LRRC37B: variants seen among roughly 807,000 people sequenced by gnomAD.
LRRC37B encodes leucine-rich repeat-containing protein 37B.
A neutral mutation model predicts 98.3 loss-of-function variants in LRRC37B; 28 were observed. The ratio of observed to expected loss-of-function variants is 0.28; its 90% confidence interval spans 0.21 to 0.39. The LOEUF (loss-of-function observed/expected upper bound fraction) is 0.39, where lower values mean the gene tolerates loss of function less well. LRRC37B is among the 10% of genes least tolerant of loss of function. The probability of loss-of-function intolerance (pLI) is 1.00; values close to 1 mark genes in which losing one functional copy is unlikely to be tolerated. For synonymous variants in LRRC37B, 364 were observed against 442.7 expected, an observed-to-expected ratio of 0.82 and a Z score of 2.23; for missense variants, 938 against 1,182.7, an observed-to-expected ratio of 0.79 and a Z score of 3.03.
upstream of LRRC37B, among the ~76,000 whole-genome samples, chr17:32,007,580 C>G (rs1170737005): frequency 6.7e-6 from 1 of 148,950 alleles, no homozygotes; most frequent in East Asian, 2.1e-4. The surrounding 1 kb of genome is among the most constrained non-coding windows in gnomAD (Gnocchi z 4.1). Context: ...CGTCAGCTTT[C>G]CCTTCTCCCG....
rs549638945 is a variant in LRRC37B at position 32,048,863 on chromosome 17, A to G, written c.2465-239A>G. 2.0e-5 allele frequency: 30 copies of G among 1,525,300 alleles called. No homozygotes were observed. The Admixed American group carries it at 4.4e-4, about 22-fold the overall frequency. 94.5% of individuals were successfully genotyped at this position (1,525,300 alleles called of 1,614,324 possible). On this transcript the variant is annotated intron_variant, in intron 9 of 11. Transcript: ENST00000327564. The stretch of plus-strand genomic sequence containing the variant: ...AGTAGTTGCTCCTTCAGAACGTTTT[A>G]TAGAAAACACTAGTGTAAAAGACAC...
chr17:32,030,904 A>G lies in LRRC37B; in HGVS notation c.1976+177A>G, dbSNP rs554754275. ...TAGTGTGAGAATTATTACACAGATCATAGTGAATCATCAGAGAGCAGTGGT... is the reference window on the plus strand; with the variant it reads ...TAGTGTGAGAATTATTACACAGATCGTAGTGAATCATCAGAGAGCAGTGGT... On this transcript the variant is annotated intron_variant, in intron 4 of 11. Coordinates refer to ENST00000327564, the Ensembl canonical transcript of LRRC37B. Among the ~76,000 whole-genome samples the G allele has an allele frequency of 2.3e-4, 35 of 152,220 alleles. No homozygotes were observed. The South Asian group carries it at 7.3e-3, about 32-fold the overall frequency.
At chr17:32,036,727 G>A (rs1045780037) in intron 7 of LRRC37B, among the ~76,000 whole-genome samples, 3 of 152,076 alleles carry the variant, frequency 2.0e-5, no homozygotes, top group Non-Finnish European at 2.9e-5. Flanking sequence ...ATTCATCAAT[G>A]TATAGACATT....
chr17:32,021,173 A>G (rs1910761609), exon 1 of LRRC37B: 2 of 1,613,582 alleles, frequency 1.2e-6, no homozygotes, highest in African/African-American at 2.7e-5. Flanking sequence ...TCTGGGGCCC[A>G]TGGCCCCTCC....
chr17:32,036,686 C>G (rs1397017875), intron 7 of LRRC37B, among the ~76,000 whole-genome samples: 1 of 152,072 alleles, frequency 6.6e-6, no homozygotes, highest in Admixed American at 6.6e-5. Context: ...AGTAGTATTC[C>G]AGTTGTGTGG....
chr17:32,020,933 G>A (rs1282998626), upstream of LRRC37B: 1 of 1,443,808 alleles, frequency 6.9e-7, no homozygotes, highest in East Asian at 2.5e-5. Context: ...GAGGGGAGGG[G>A]TGTTCCGGCC....
In LRRC37B at chr17:32,009,932, C is replaced by T. The variant is rs1484560676; in HGVS notation, c.-191+1800C>T. ...AAGTGCTGGGATTAGAGACATGAGC[C>T]ACCATGCCTGGCCAATTTCTTCTTA... On this transcript the variant is annotated intron_variant, in intron 1 of 14. Coordinates refer to the LRRC37B transcript ENST00000543378. Among the ~76,000 whole-genome samples, 4 of 152,238 alleles carry T rather than the reference C, an allele frequency of 2.6e-5. No homozygotes were observed. The South Asian group carries it at 6.2e-4, about 24-fold the overall frequency.
At chr17:32,048,407 A>AC (rs1184595902) in intron 9 of LRRC37B, among the ~76,000 whole-genome samples, 1 of 147,774 alleles carries the variant, frequency 6.8e-6, no homozygotes, top group Non-Finnish European at 1.5e-5. Flanking sequence ...AGTGGGAAAC[A>AC]CCATCTACAC....
intron 11 of LRRC37B, chr17:32,050,950 A>G (rs184164075): frequency 6.6e-6 from 1 of 152,174 alleles, no homozygotes; most frequent in Non-Finnish European, 1.5e-5. Flanking sequence ...GGGATTTAAT[A>G]AGCTGGCACC....
intron 5 of LRRC37B, among the ~76,000 whole-genome samples, chr17:32,032,401 C>G (rs1408129468): frequency 6.6e-6 from 1 of 152,212 alleles, no homozygotes; most frequent in African/African-American, 2.4e-5. Context: ...AAATACATCG[C>G]TCTACTTTAA....
chr17:32,022,458 A>G (rs1387102937), exon 1 of LRRC37B: 2 of 1,612,736 alleles, frequency 1.2e-6, no homozygotes, highest in East Asian at 2.2e-5. Context: ...ACCGTCTCCA[A>G]CCACGGAGGA....
At chr17:32,031,288 A>G in intron 4 of LRRC37B, 90 bp from the exon 8 acceptor site, 1 of 1,544,500 alleles carries the variant, frequency 6.5e-7, no homozygotes, top group South Asian at 1.2e-5. Flanking sequence ...GATTGAGGTG[A>G]TGTTCCATCC....
At chr17:32,034,565 A>G (rs1408232968) in intron 5 of LRRC37B, among the ~76,000 whole-genome samples, 2 of 151,592 alleles carry the variant, frequency 1.3e-5, no homozygotes, top group African/African-American at 4.8e-5. Flanking sequence ...TATGGAGGAC[A>G]CTAGAAATAG....
chr17:32,016,637 T>G (rs1910653398), upstream of LRRC37B, among the ~76,000 whole-genome samples: 1 of 152,218 alleles, frequency 6.6e-6, no homozygotes, highest in South Asian at 2.1e-4. Context: ...TACAGACTAC[T>G]GAGCTTCACC....
chr17:32,039,853 G>C (rs1397402353), intron 7 of LRRC37B: 4 of 151,784 alleles, frequency 2.6e-5, no homozygotes, highest in Admixed American at 2.6e-4. Flanking sequence ...TACTGCTCTA[G>C]CCTCACTTTC....
chr17:32,020,953 G>T, upstream of LRRC37B: 2 of 1,460,816 alleles, frequency 1.4e-6, no homozygotes, highest in South Asian at 2.9e-5. Flanking sequence ...CTGGCGGGGT[G>T]GGAAGGGGCG....
chr17:32,011,043 C>T (rs1910514100), intron 1 of LRRC37B, among the ~76,000 whole-genome samples: 1 of 150,786 alleles, frequency 6.6e-6, no homozygotes, highest in Admixed American at 6.6e-5. Context: ...GTCACCTAGG[C>T]TGGAGTGCAG....
chr17:32,047,993 A>G (rs1439421774), intron 9 of LRRC37B, 92 bp downstream of exon 12: 2 of 1,604,312 alleles, frequency 1.2e-6, no homozygotes, highest in African/African-American at 2.7e-5. Context: ...TAGGTGCAGA[A>G]TCAATATTGT....
At chr17:32,046,551 C>G (rs1330997447) in intron 8 of LRRC37B, among the ~76,000 whole-genome samples, 50 of 150,530 alleles carry the variant, frequency 3.3e-4, no homozygotes, top group African/African-American at 1.2e-3. Context: ...TGCTTGGCTA[C>G]TTCTATAAAG....
Sources: gnomAD v4.1 joint callset for allele counts (sites outside exome capture counted in the v4.1 genomes callset) on GRCh38, gnomAD v4.1.1 for gene constraint, Gnocchi (gnomAD v3.1) non-coding constraint, MANE v1.5 for transcripts, NCBI Gene and HGNC (gene_info 2026-07-23, HGNC 2026-07-21) for gene names.